Variants in FAM91A1 observed in about 807,000 individuals in gnomAD.
FAM91A1 encodes the protein family with sequence similarity 91 member A1.
Under a neutral mutation model 113.5 loss-of-function variants are expected in FAM91A1, and 41 were observed. The ratio of observed to expected loss-of-function variants is 0.36; its 90% CI spans 0.28 to 0.47. The LOEUF is 0.47. Ranked by LOEUF, FAM91A1 falls within the 20% of genes least tolerant of loss-of-function variation. FAM91A1 has a pLI of 1.00. For synonymous variants in FAM91A1, 307 were observed against 347.9 expected (o/e 0.88, Z 1.31); for missense variants, 696 against 1,001.2 (o/e 0.70, Z 4.11).
Position 123,815,065 on chromosome 8 carries a change from T to C in FAM91A1, c.*2361T>C, listed in dbSNP as rs1417679736. ...CAAATATCAAAAAAGACATAGAATT[T>C]AATATTGATACAATTTCACCTCTAA... On this transcript the variant is annotated 3_prime_UTR_variant, in exon 24 of 24. Coordinates refer to ENST00000334705, the MANE Select transcript of FAM91A1 (RefSeq NM_144963.4). The C allele has an allele frequency of 1.3e-5, 2 of 152,618 alleles. No individual in the cohort carries two copies. Among genetic ancestry groups the C allele is most frequent in the African/African-American group, 4.8e-5 (2 of 41,454 alleles). The allele number at this position is 152,618 out of a possible 1,614,324, so 9.5% of individuals were successfully genotyped here.
At chr8:123,810,751 G>T in intron 23 of FAM91A1, 1 of 198,380 alleles carries the variant, frequency 5.0e-6, no homozygotes. Flanking sequence ...CCATCCCCAA[G>T]GAAAGAAAGA....
chr8:123,798,111 G>C lies in FAM91A1; in HGVS notation c.1433G>C (p.Arg478Pro). The C allele has an allele frequency of 6.2e-7, 1 of 1,613,224 alleles. No individual in the cohort carries two copies. Among genetic ancestry groups the C allele is most frequent in the Non-Finnish European group, 8.5e-7 (1 of 1,179,752 alleles). ...TCAGGTTTTCCTCTGGATCTCTTAC[G>C]CTGTGAAAGCCTTCTTGGTTTGGAC... ...PNYGFPLDLLRCESLLGLDPA... is the reference protein window; with the variant it reads ...PNYGFPLDLLPCESLLGLDPA... The change falls in exon 16 of 24, where the codon CGC becomes CCC. Residue 478 changes from arginine (R) to proline (P), a missense_variant. Physicochemically the swap from Arg to Pro is moderately radical, Grantham distance 103. Transcript: ENST00000334705.
intron 14 of FAM91A1, 30 bp downstream of exon 14, chr8:123,787,780 T>TA (rs1344574962): frequency 3.2e-6 from 5 of 1,557,922 alleles, no homozygotes; most frequent in Non-Finnish European, 4.4e-6. Flanking sequence ...AAGGGGATGT[T>TA]AGGGCATTTG....
At chr8:123,781,009 A>G (rs1355327658) in intron 8 of FAM91A1, among the ~76,000 whole-genome samples, 4 of 152,160 alleles carry the variant, frequency 2.6e-5, no homozygotes, top group African/African-American at 9.7e-5. Context: ...TATATTTGTC[A>G]TACACTTTAT....
At chr8:123,810,729 C>T (rs7833650) in intron 23 of FAM91A1, 69,088 of 208,994 alleles carry the variant, frequency 0.33, 15,273 homozygotes, top group African/African-American at 0.68. Flanking sequence ...CTCTGGACTT[C>T]TTGTTTTTCC....
At chr8:123,798,003 T>C (rs1815573545) in intron 15 of FAM91A1, 87 bp from the exon 16 acceptor site, 1 of 1,421,698 alleles carries the variant, frequency 7.0e-7, no homozygotes, top group Non-Finnish European at 9.5e-7. Flanking sequence ...TTTAAAATCT[T>C]AAGTCAGTTA....
At chr8:123,799,069 T>G (rs1815613253) in intron 16 of FAM91A1, among the ~76,000 whole-genome samples, 1 of 152,246 alleles carries the variant, frequency 6.6e-6, no homozygotes, top group South Asian at 2.1e-4. Flanking sequence ...GGGTGGGCGA[T>G]TCCTCTTGTG....
At position 123,814,152 on chromosome 8, in the gene FAM91A1, T is replaced by G. The variant is rs1359886192; in HGVS notation, c.*1448T>G. 5.0e-6 allele frequency: 2 copies of G among 396,356 alleles called. No individual in the cohort carries two copies. Among genetic ancestry groups the G allele is most frequent in the African/African-American group, 2.2e-5 (1 of 45,798 alleles). The allele number at this position is 396,356 out of a possible 1,614,324, so 24.6% of individuals were successfully genotyped here. On this transcript the variant is annotated 3_prime_UTR_variant, in exon 24 of 24. Transcript: ENST00000334705. The stretch of plus-strand genomic sequence containing the variant: ...AATGCAGTAACGGTTAGTTTTCTAC[T>G]TTGTCTTATAGAAGGTAGAAACCAT...
chr8:123,810,191 G>A (rs562664440), intron 22 of FAM91A1, 91 bp from the exon 23 acceptor site: 2 of 1,153,236 alleles, frequency 1.7e-6, no homozygotes, highest in Admixed American at 2.4e-5. Context: ...ATATATAGAT[G>A]CATTTAAATT....
rs747290560 is a variant in FAM91A1, at chr8:123,810,265, G to A, written c.2262-17G>A. On this transcript the variant is annotated splice_polypyrimidine_tract_variant and intron_variant, in intron 22 of 23. Coordinates refer to ENST00000334705, the MANE Select transcript of FAM91A1 (RefSeq NM_144963.4). The stretch of plus-strand genomic sequence containing the variant: ...TTATGTTTGTTTTAAACTGTTTCTC[G>A]CCTTTTTTTTTTTCAGCCTTCAAAA... 4.4e-6 allele frequency: 7 copies of A among 1,575,920 alleles called. No homozygotes were observed. Among genetic ancestry groups the A allele is most frequent in the Non-Finnish European group, 5.1e-6 (6 of 1,166,046 alleles).
chr8:123,787,527 T>C (rs1337179624), intron 13 of FAM91A1, 137 bp from the exon 14 acceptor site: 7 of 983,736 alleles, frequency 7.1e-6, no homozygotes, highest in Middle Eastern at 3.3e-4. Flanking sequence ...AAGGTCCTTT[T>C]GTAATTGGAA....
chr8:123,778,127 T>C, intron 5 of FAM91A1, 35 bp downstream of exon 5: 1 of 1,509,224 alleles, frequency 6.6e-7, no homozygotes, highest in Non-Finnish European at 9.1e-7. Context: ...TGTTTTGGCC[T>C]CATCACACAG....
intron 2 of FAM91A1, among the ~76,000 whole-genome samples, chr8:123,774,555 T>G (rs1385511902): frequency 6.6e-6 from 1 of 152,144 alleles, no homozygotes; most frequent in Non-Finnish European, 1.5e-5. Context: ...GGACACATTT[T>G]AAACATAGTT....
rs777891582 is a variant in FAM91A1, at chr8:123,787,274, T to C, written c.1092T>C (p.Ser364=). Residue 364 remains serine (S), a synonymous_variant, in exon 13 of 24, where the codon AGT becomes AGC. Coordinates refer to ENST00000334705, the MANE Select transcript of FAM91A1 (RefSeq NM_144963.4). ...GGTGTTTTTCAGCTGACACAGCCAGTGTAAGCAGCCTGAGTCTGTCTACAG... is the reference window on the plus strand; with the variant it reads ...GGTGTTTTTCAGCTGACACAGCCAGCGTAAGCAGCCTGAGTCTGTCTACAG... ...NSQEDPADTA[S]VSSLSLSTGH... The C allele has an allele frequency of 6.2e-6, 10 of 1,610,672 alleles. No individual in the cohort carries two copies. The Admixed American group carries it at 1.3e-4, about 21-fold the overall frequency.
rs1194391093 is a variant in FAM91A1 at position 123,784,483 on chromosome 8, A to T, written c.717A>T (p.Glu239Asp). ...DDSCIAVPPL[E>D]GFVMNRVQGD... ...TGTTTGTTTTAGTTCCACCTCTTGAAGGTTTTGTAATGAATCGAGTGCAAG... is the reference window on the plus strand; with the variant it reads ...TGTTTGTTTTAGTTCCACCTCTTGATGGTTTTGTAATGAATCGAGTGCAAG... The change falls in exon 9 of 24, where the codon GAA becomes GAT. Residue 239 changes from glutamate (E) to aspartate (D), a missense_variant. Transcript: ENST00000334705. 3 of 1,602,146 alleles carry T rather than the reference A, an allele frequency of 1.9e-6. No individual in the cohort carries two copies. The highest frequency in any genetic ancestry group is 1.7e-5 in the Admixed American group (1 of 58,262).
chr8:123,773,188 C>T (rs1422132766), intron 1 of FAM91A1, among the ~76,000 whole-genome samples: 1 of 152,202 alleles, frequency 6.6e-6, no homozygotes, highest in Non-Finnish European at 1.5e-5. Context: ...TGAGTTTCAT[C>T]TGTCTTATTG....
At chr8:123,777,913 A>G (rs1815026567) in intron 4 of FAM91A1, 112 bp from the exon 5 acceptor site, 2 of 794,340 alleles carry the variant, frequency 2.5e-6, no homozygotes, top group Non-Finnish European at 4.0e-6. Context: ...TTGATATTTG[A>G]CTAGTAATTG....
intron 23 of FAM91A1, chr8:123,810,669 G>A (rs1563650969): frequency 5.4e-6 from 2 of 369,472 alleles, no homozygotes; most frequent in African/African-American, 2.2e-5. Flanking sequence ...TAACTAAAGC[G>A]ATTCTCCACT....
chr8:123,794,584 G>A (rs148141328), intron 15 of FAM91A1, among the ~76,000 whole-genome samples: 4 of 152,294 alleles, frequency 2.6e-5, no homozygotes, highest in Non-Finnish European at 5.9e-5. Flanking sequence ...GTATCTACTT[G>A]AGTACCTGCT....
Sources: allele counts gnomAD v4.1 joint callset (sites outside exome capture counted in the v4.1 genomes callset), GRCh38; gene constraint gnomAD v4.1.1; transcripts MANE v1.5; gene names NCBI Gene and HGNC (gene_info 2026-07-23, HGNC 2026-07-21).